CHN2: variants seen among roughly 807,000 people sequenced by gnomAD.
The protein encoded by CHN2 is chimerin 2.
In CHN2, 35 loss-of-function variants were observed where a neutral mutation model predicts 56.3. That is an observed-to-expected ratio of 0.62 (90% CI 0.47 to 0.82). CHN2 has a LOEUF of 0.82. CHN2 is among the 40% of genes least tolerant of loss of function. The pLI is 0.00. For missense variants in CHN2, 491 were observed against 580.5 expected (o/e 0.85, Z 1.58); for synonymous variants, 210 against 212.8 (o/e 0.99, Z 0.12).
At chr7:29,307,800 T>C (rs926543616) in intron 1 of CHN2, among the ~76,000 whole-genome samples, 15 of 152,170 alleles carry the variant, frequency 9.9e-5, no homozygotes, top group African/African-American at 2.7e-4. Flanking sequence ...TCACATCCAA[T>C]TGGGGCCATG....
At chr7:29,149,372 G>A in intron 2 of CHN2, among the ~76,000 whole-genome samples, 1 of 151,576 alleles carries the variant, frequency 6.6e-6, no homozygotes, top group East Asian at 1.9e-4. Flanking sequence ...TTTTGTATTT[G>A]TAGTAGACAC....
intron 1 of CHN2, among the ~76,000 whole-genome samples, chr7:29,342,965 A>G (rs1416120432): frequency 6.6e-6 from 1 of 152,232 alleles, no homozygotes; most frequent in Non-Finnish European, 1.5e-5. Flanking sequence ...TGTCTAGTGC[A>G]CTATTTTGTG....
chr7:29,177,746 TTTAC>T (rs1797555057), intron 2 of CHN2, among the ~76,000 whole-genome samples: 1 of 152,092 alleles, frequency 6.6e-6, no homozygotes, highest in East Asian at 1.9e-4. Flanking sequence ...CCCAACCCTC[TTTAC>T]TTCTAAACAC....
intron 1 of CHN2, among the ~76,000 whole-genome samples, chr7:29,273,625 C>T (rs1790938988): frequency 6.6e-6 from 1 of 151,824 alleles, no homozygotes; most frequent in Non-Finnish European, 1.5e-5. Flanking sequence ...TACCAGTCTA[C>T]ATTCCCCCCA....
At chr7:29,494,540 C>A (rs1420001785) in intron 7 of CHN2, among the ~76,000 whole-genome samples, 3 of 152,072 alleles carry the variant, frequency 2.0e-5, no homozygotes, top group Non-Finnish European at 4.4e-5. Context: ...GATGAATTCT[C>A]TGCATTCCTG....
intron 1 of CHN2, chr7:29,335,870 G>C (rs573646124): frequency 2.0e-5 from 3 of 152,200 alleles, no homozygotes; most frequent in African/African-American, 4.8e-5. Flanking sequence ...TCACCCAGTG[G>C]GTTGAGCAAA....
chr7:29,453,963 C>T (rs1381227745), intron 6 of CHN2, among the ~76,000 whole-genome samples: 3 of 152,092 alleles, frequency 2.0e-5, no homozygotes, highest in Non-Finnish European at 1.5e-5. Flanking sequence ...CACCTTCCGT[C>T]ACGGCCCGAA....
chr7:29,213,116 G>C (rs1337361187), intron 1 of CHN2: 27 of 1,589,494 alleles, frequency 1.7e-5, no homozygotes, highest in Non-Finnish European at 2.2e-5. Flanking sequence ...GCAGGGGAAG[G>C]CCTTAATGTA....
In CHN2 at chr7:29,399,244, G is replaced by A. The variant is rs1195367452; in HGVS notation, c.290+758G>A. Among the ~76,000 whole-genome samples the A allele has an allele frequency of 4.6e-5, 7 of 152,302 alleles. No individual in the cohort carries two copies. The East Asian group carries it at 5.8e-4, about 13-fold the overall frequency. Reference sequence around the variant, plus strand: ...CCATCTAGCTGGCCGAGGCTGCAGCGTCTTTGCCTCAGCTCCCAGCAGCCC... The same window carrying A: ...CCATCTAGCTGGCCGAGGCTGCAGCATCTTTGCCTCAGCTCCCAGCAGCCC... On this transcript the variant is annotated intron_variant, in intron 5 of 12. Coordinates refer to ENST00000222792, the MANE Select transcript of CHN2 (RefSeq NM_004067.4).
chr7:29,431,185 G>A lies in CHN2; in HGVS notation c.576+30357G>A, dbSNP rs189547338. The stretch of plus-strand genomic sequence containing the variant: ...AGGGAAGTTTTGCCCCTGCTCCTGG[G>A]ATAAATGCTCTGTTATGCCCCCTGA... On this transcript the variant is annotated intron_variant, in intron 6 of 12. Coordinates refer to ENST00000222792, the MANE Select transcript of CHN2 (RefSeq NM_004067.4). 1.6e-3 allele frequency among the ~76,000 whole-genome samples: 250 copies of A among 152,268 alleles called. 1 individual carries two copies. Among genetic ancestry groups the A allele is most frequent in the Non-Finnish European group, 2.5e-3 (173 of 68,002 alleles).
intron 6 of CHN2, among the ~76,000 whole-genome samples, chr7:29,448,139 A>G (rs1784159401): frequency 1.3e-5 from 2 of 152,198 alleles, no homozygotes; most frequent in Non-Finnish European, 1.5e-5. Flanking sequence ...TTTGAGGTAC[A>G]GTGTTAATTT....
chr7:29,376,833 C>T (rs1209161964), intron 3 of CHN2, among the ~76,000 whole-genome samples: 1 of 152,100 alleles, frequency 6.6e-6, no homozygotes, highest in African/African-American at 2.4e-5. Context: ...TTTGCTATTT[C>T]TAACTTTCCT....
At chr7:29,261,759 A>G (rs1180528346) in intron 1 of CHN2, among the ~76,000 whole-genome samples, 1 of 152,252 alleles carries the variant, frequency 6.6e-6, no homozygotes, top group East Asian at 1.9e-4. Context: ...GACTTTAAAA[A>G]GGAAGGAAAT....
At chr7:29,271,301 T>C (rs1257392133) in intron 1 of CHN2, among the ~76,000 whole-genome samples, 1 of 152,226 alleles carries the variant, frequency 6.6e-6, no homozygotes, top group Non-Finnish European at 1.5e-5. Flanking sequence ...AACCCTCTGG[T>C]TGTTTGCTCC....
chr7:29,489,866 T>G (rs1421590380), intron 7 of CHN2, among the ~76,000 whole-genome samples: 1 of 152,188 alleles, frequency 6.6e-6, no homozygotes, highest in Non-Finnish European at 1.5e-5. Flanking sequence ...CTCAATTATT[T>G]TTAAAAATAT....
At chr7:29,244,140 C>G (rs1158865678) in intron 1 of CHN2, among the ~76,000 whole-genome samples, 2 of 152,162 alleles carry the variant, frequency 1.3e-5, no homozygotes, top group African/African-American at 4.8e-5. Context: ...CTTTCCTCAT[C>G]ATTATCTTAA....
intron 5 of CHN2, among the ~76,000 whole-genome samples, chr7:29,399,544 C>T (rs770205128): frequency 1.3e-5 from 2 of 152,168 alleles, no homozygotes; most frequent in Non-Finnish European, 2.9e-5. Flanking sequence ...TGATCCTCGC[C>T]GTAGCCCTAT....
chr7:29,355,117 C>T (rs1416941084), intron 2 of CHN2, among the ~76,000 whole-genome samples: 12 of 151,850 alleles, frequency 7.9e-5, no homozygotes, highest in Admixed American at 2.6e-4. Context: ...TACAGGCATG[C>T]GCCACCATGC....
At chr7:29,445,315 G>A (rs1306531441) in intron 6 of CHN2, among the ~76,000 whole-genome samples, 1 of 152,192 alleles carries the variant, frequency 6.6e-6, no homozygotes, top group Non-Finnish European at 1.5e-5. Context: ...CATGTCTCCT[G>A]TTAATGGAGG....
Sources: gnomAD v4.1 joint callset for allele counts (sites outside exome capture counted in the v4.1 genomes callset) on GRCh38, gnomAD v4.1.1 for gene constraint, MANE v1.5 for transcripts, NCBI Gene and HGNC (gene_info 2026-07-23, HGNC 2026-07-21) for gene names.